ADH5: variants seen among roughly 807,000 people sequenced by gnomAD.
The protein encoded by ADH5 is alcohol dehydrogenase 5 (class III), chi polypeptide, also known as alcohol dehydrogenase class-3.
ADH5 carries 32 observed loss-of-function variants against 40.3 expected under a neutral mutation model. The observed-to-expected ratio is 0.79, with a 90% CI of 0.60 to 1.07. ADH5 has a LOEUF of 1.07. Ranked by LOEUF, ADH5 falls within the 50% of genes least tolerant of loss-of-function variation. The pLI, the probability that ADH5 is intolerant of heterozygous loss-of-function variation, is 0.00. For synonymous variants in ADH5, 125 were observed against 154.3 expected (o/e 0.81, Z 1.41); for missense variants, 353 against 460.5 (o/e 0.77, Z 2.14).
intron 4 of ADH5, among the ~76,000 whole-genome samples, chr4:99,079,516 AG>A (rs1416224856): frequency 1.2e-4 from 18 of 152,154 alleles, no homozygotes; most frequent in Non-Finnish European, 1.5e-4. Flanking sequence ...GGGTGCTGGC[AG>A]GGTTCTCTAT....
intron 1 of ADH5, among the ~76,000 whole-genome samples, chr4:99,086,511 A>T (rs536932883): frequency 6.6e-6 from 1 of 152,364 alleles, no homozygotes; most frequent in South Asian, 2.1e-4. Flanking sequence ...AAGCAAAAAA[A>T]GTAGGTTAAG....
At position 99,088,735 on chromosome 4, in the gene ADH5, T is replaced by G; in HGVS notation, c.-35A>C. The G allele has an allele frequency of 1.4e-6, 2 of 1,410,664 alleles. No homozygotes were observed. The highest frequency in any genetic ancestry group is 2.4e-5 in the South Asian group (2 of 82,710). 87.4% of individuals were successfully genotyped at this position (1,410,664 alleles called of 1,614,324 possible). A position where few individuals can be genotyped will look rare whatever the true frequency, so the allele number is the denominator to read the frequency against. ...TTCTGGTCGGCGCGGGGGGCTGACA[T>G]CCGGGGTGGGCCGCGCAGCGACGGA... On this transcript the variant is annotated 5_prime_UTR_variant, in exon 1 of 9. An upstream start codon of the reference 5' UTR is lost. Transcript: ENST00000296412.
chr4:99,072,170 TTTTA>T lies in ADH5; in HGVS notation c.*243_*246del, dbSNP rs1391976865. 7 of 418,834 alleles carry T rather than the reference TTTTA, an allele frequency of 1.7e-5. No individual in the cohort carries two copies. The highest frequency in any genetic ancestry group is 6.2e-5 in the African/African-American group (3 of 48,700). 25.9% of individuals were successfully genotyped at this position (418,834 alleles called of 1,614,324 possible). ...ATTTCCACACAAATGTAGAAATTAC[TTTTA>T]TTATGTTAAAATATTCCTTAATAAA... On this transcript the variant is annotated 3_prime_UTR_variant, in exon 9 of 9. Transcript: ENST00000296412.
intron 1 of ADH5, among the ~76,000 whole-genome samples, chr4:99,087,396 A>AGGGGGGGGGG (rs112581712): frequency 3.5e-4 from 12 of 34,590 alleles, no homozygotes; most frequent in African/African-American, 4.8e-4. Flanking sequence ...CTGGCGGGGG[A>AGGGGGGGGGG]GGGGGGGGGG....
intron 1 of ADH5, among the ~76,000 whole-genome samples, 180 bp downstream of exon 1, chr4:99,088,508 CG>C (rs1196974313): frequency 6.7e-6 from 1 of 149,224 alleles, no homozygotes; most frequent in Non-Finnish European, 1.5e-5. Context: ...ACTGAAGAGC[CG>C]AGACAAAGCT....
At position 99,076,367 on chromosome 4, in the gene ADH5, G is replaced by C. The variant is rs1457339438; in HGVS notation, c.750C>G (p.Ile250Met). The C allele has an allele frequency of 6.2e-7, 1 of 1,613,992 alleles. No homozygotes were observed. Among genetic ancestry groups the C allele is most frequent in the Non-Finnish European group, 8.5e-7 (1 of 1,180,026 alleles). The change falls in exon 6 of 9, where the codon ATC becomes ATG. Residue 250 changes from isoleucine (I) to methionine (M), a missense_variant. By Grantham distance (10) the Ile-to-Met change is conservative (BLOSUM62 1). Transcript: ENST00000296412. ...CINPQDFSKP[I>M]QEVLIEMTDG... ...CGGTCATCTCAATGAGCACTTCCTG[G>C]ATGGGTTTACTAAAATCCTGAGGGT...
In ADH5 at chr4:99,076,929, GAA is replaced by G; in HGVS notation, c.345-8_345-7del. 6 of 1,532,290 alleles carry G rather than the reference GAA, an allele frequency of 3.9e-6. No homozygotes were observed. Among genetic ancestry groups the G allele is most frequent in the Non-Finnish European group, 4.4e-6 (5 of 1,137,688 alleles). 94.9% of individuals were successfully genotyped at this position (1,532,290 alleles called of 1,614,324 possible). ...ATCCTTTCCCTTGAGTGACTCTAAA[GAA>G]AAAAAAAGGAAAAAGGCAAGTTGGA... is the stretch of plus-strand genomic sequence containing the variant. On this transcript the variant is annotated splice_region_variant and splice_polypyrimidine_tract_variant and intron_variant, in intron 4 of 8. Transcript: ENST00000296412.
At chr4:99,077,096 AT>A (rs773086183) in intron 4 of ADH5, among the ~76,000 whole-genome samples, 173 bp from the exon 5 acceptor site, 35 of 152,246 alleles carry the variant, frequency 2.3e-4, no homozygotes, top group Admixed American at 4.6e-4. Flanking sequence ...TATAAAGGAA[AT>A]TTATAAGATA....
Position 99,076,338 on chromosome 4 carries a change from C to G in ADH5, c.779G>C (p.Gly260Ala). Residue 260 changes from glycine (G) to alanine (A), a missense_variant, in exon 6 of 9, where the codon GGA (glycine) becomes GCA (alanine). Gly to Ala is a moderately conservative substitution (Grantham distance 60). Transcript: ENST00000296412. ...ACATTCAAAGGAATAGTCCACTCCT[C>G]CATCGGTCATCTCAATGAGCACTTC... ...IQEVLIEMTD[G>A]GVDYSFECIG... 4 of 1,614,144 alleles carry G rather than the reference C, an allele frequency of 2.5e-6. No individual in the cohort carries two copies. The highest frequency in any genetic ancestry group is 3.4e-6 in the Non-Finnish European group (4 of 1,179,982).
chr4:99,076,825 T>G lies in ADH5; in HGVS notation c.443A>C (p.Glu148Ala). 1 of 1,613,978 alleles carries G rather than the reference T, an allele frequency of 6.2e-7. No individual in the cohort carries two copies. The highest frequency in any genetic ancestry group is 8.5e-7 in the Non-Finnish European group (1 of 1,179,862). The change falls in exon 5 of 9, where the codon GAA becomes GCA. Residue 148 changes from glutamate (E) to alanine (A), a missense_variant. Transcript: ENST00000296412. ...LHYMGTSTFS[E>A]YTVVADISVA... ...AGAGATATCAGCCACAACTGTGTAT[T>G]CAGAAAATGTGCTGGTTCCCATGTA...
chr4:99,087,175 G>C (rs940767353), intron 1 of ADH5, among the ~76,000 whole-genome samples: 1 of 151,870 alleles, frequency 6.6e-6, no homozygotes, highest in Non-Finnish European at 1.5e-5. Flanking sequence ...CCTGAGGTCA[G>C]GAGTTGGAGA....
chr4:99,076,649 G>A lies in ADH5; in HGVS notation c.564+55C>T, dbSNP rs150112799. On this transcript the variant is annotated intron_variant, in intron 5 of 8. Transcript: ENST00000296412. ...TGGCCAATTTCACTATTCCAGGAAA[G>A]TTTCACTGAATTAAATTAGAAGGCA... 1.2e-4 allele frequency: 184 copies of A among 1,598,146 alleles called. No individual in the cohort carries two copies. The African/African-American group carries it at 2.3e-3, about 20-fold the overall frequency.
chr4:99,076,913 C>A lies in ADH5; in HGVS notation c.355G>T (p.Gly119Trp), dbSNP rs762483199. Reference protein sequence around the residue: ...NLCQKIRVTQGKGLMPDGTSR... With the variant: ...NLCQKIRVTQWKGLMPDGTSR... ...GTACCATCTGGCATTAATCCTTTCCCTTGAGTGACTCTAAAGAAAAAAAAA... is the reference window on the plus strand; with the variant it reads ...GTACCATCTGGCATTAATCCTTTCCATTGAGTGACTCTAAAGAAAAAAAAA... Residue 119 changes from glycine to tryptophan, a missense_variant, in exon 5 of 9, where the codon GGG becomes TGG. By Grantham distance (184) the Gly-to-Trp change is radical. Coordinates refer to ENST00000296412, the MANE Select transcript of ADH5 (RefSeq NM_000671.4). 1 of 1,611,806 alleles carries A rather than the reference C, an allele frequency of 6.2e-7. No individual in the cohort carries two copies. Among genetic ancestry groups the A allele is most frequent in the Non-Finnish European group, 8.5e-7 (1 of 1,179,034 alleles).
intron 1 of ADH5, among the ~76,000 whole-genome samples, chr4:99,086,702 T>C (rs1728139773): frequency 6.6e-6 from 1 of 151,842 alleles, no homozygotes; most frequent in South Asian, 2.1e-4. Context: ...CCCAGCACTT[T>C]GGGAGGCCGA....
chr4:99,088,445 C>T (rs1154402), intron 1 of ADH5, among the ~76,000 whole-genome samples: 2 of 141,958 alleles, frequency 1.4e-5, no homozygotes, highest in Non-Finnish European at 3.1e-5. Flanking sequence ...GGCTCTCCCA[C>T]CCCCCCACCC....
At chr4:99,081,831 T>C in intron 3 of ADH5, 144 bp downstream of exon 3, 1 of 818,412 alleles carries the variant, frequency 1.2e-6, no homozygotes, top group African/African-American at 1.7e-5. Flanking sequence ...ATATTTGTGC[T>C]TCCCAGATGA....
Position 99,076,522 on chromosome 4 carries a change from C to CAAAGA in ADH5, c.590_594dup (p.Gly199SerfsTer61). On this transcript the variant is annotated frameshift_variant, in exon 6 of 9. Coordinates refer to ENST00000296412, the MANE Select transcript of ADH5 (RefSeq NM_000671.4). LOFTEE classifies it high-confidence loss of function. ...ACTGCCAATCCGACTCCTCCCAGAC[C>CAAAGA]AAAGACGGCACAAACAGAGCCAGGC... 2 of 1,614,026 alleles carry CAAAGA rather than the reference C, an allele frequency of 1.2e-6. No individual in the cohort carries two copies. Among genetic ancestry groups the CAAAGA allele is most frequent in the Non-Finnish European group, 1.7e-6 (2 of 1,179,922 alleles).
Position 99,076,475 on chromosome 4 carries a change from A to G in ADH5, c.642T>C (p.Ala214=). 1 of 1,614,202 alleles carries G rather than the reference A, an allele frequency of 6.2e-7. No homozygotes were observed. Among genetic ancestry groups the G allele is most frequent in the South Asian group, 1.1e-5 (1 of 91,080 alleles). ...GLAVIMGCKV[A]GASRIIGVDI... is the part of the protein sequence containing the mutation. ...CCACACCAATGATCCGGGAAGCACC[A>G]GCCACTTTACAGCCCATGATAACTG... is the stretch of plus-strand genomic sequence containing the variant. Residue 214 remains alanine (A), a synonymous_variant, in exon 6 of 9, where the codon GCT becomes GCC. Coordinates refer to ENST00000296412, the MANE Select transcript of ADH5 (RefSeq NM_000671.4).
chr4:99,081,382 G>T lies in ADH5; in HGVS notation c.327C>A (p.Asn109Lys). Residue 109 changes from asparagine (N) to lysine (K), a missense_variant, in exon 4 of 9, where the codon AAC becomes AAA. Asn to Lys is a moderately conservative substitution (Grantham distance 94). Coordinates refer to ENST00000296412, the MANE Select transcript of ADH5 (RefSeq NM_000671.4). ...ECKFCLNPKTNLCQKIRVTQG... is the reference protein window; with the variant it reads ...ECKFCLNPKTKLCQKIRVTQG... ...ATACTAACCTTATCTTCTGGCAAAG[G>T]TTAGTTTTAGGATTTAGACAAAATT... is the stretch of plus-strand genomic sequence containing the variant. 1 of 1,599,532 alleles carries T rather than the reference G, an allele frequency of 6.3e-7. No homozygotes were observed. The highest frequency in any genetic ancestry group is 8.5e-7 in the Non-Finnish European group (1 of 1,170,850).
Sources: gnomAD v4.1 joint callset for allele counts (sites outside exome capture counted in the v4.1 genomes callset) on GRCh38, gnomAD v4.1.1 for gene constraint, MANE v1.5 for transcripts, NCBI Gene and HGNC (gene_info 2026-07-23, HGNC 2026-07-21) for gene names.